RAB44: variants seen among roughly 807,000 people sequenced by gnomAD.
RAB44 encodes the protein ras-related protein Rab-44.
RAB44 carries 67 observed loss-of-function variants against 93.3 expected under a neutral mutation model. The ratio of observed to expected loss-of-function variants is 0.72; its 90% CI spans 0.59 to 0.88. RAB44 has a LOEUF of 0.88. Among genes scored for constraint, RAB44 ranks in the 40% least tolerant of loss-of-function variants. The pLI is 0.00. For missense variants in RAB44, 1,064 were observed against 1,261.7 expected, an observed-to-expected ratio of 0.84 and a Z score of 2.37; for synonymous variants, 427 against 520.3, an observed-to-expected ratio of 0.82 and a Z score of 2.44.
rs536773026 is a variant in RAB44, at chr6:36,722,271, C to T, written c.2137C>T (p.Gln713Ter). ...AACTGCGCATTCGGAACTCCCCCAG[C>T]AAGACTCTCTGCTTGTTTCTCTCCC... Reference protein sequence around the residue: ...LETAHSELPQQDSLLVSLPSA... With the variant: ...LETAHSELPQ The change falls in exon 9 of 14, where the codon CAA (glutamine) becomes TAA (stop). Residue 713 changes from glutamine to a stop codon, truncating the protein, a stop_gained. Coordinates refer to ENST00000612677, the MANE Select transcript of RAB44 (RefSeq NM_001257357.2). LOFTEE classifies it high-confidence loss of function. The T allele has an allele frequency of 1.6e-5, 21 of 1,290,460 alleles. No homozygotes were observed. The East Asian group carries it at 5.8e-4, about 36-fold the overall frequency. The allele number at this position is 1,290,460 out of a possible 1,614,324, so 79.9% of individuals were successfully genotyped here.
chr6:36,722,746 G>T lies in RAB44; in HGVS notation c.2599+13G>T. 1 of 1,550,516 alleles carries T rather than the reference G, an allele frequency of 6.4e-7. No homozygotes were observed. ...ACAGCTACCGTGGGTAAGGGCATTGGGGAGGGCGGCAGGGAGCAAGGAGAG... is the reference window on the plus strand; with the variant it reads ...ACAGCTACCGTGGGTAAGGGCATTGTGGAGGGCGGCAGGGAGCAAGGAGAG... On this transcript the variant is annotated intron_variant, in intron 9 of 13. Coordinates refer to ENST00000612677, the MANE Select transcript of RAB44 (RefSeq NM_001257357.2).
rs142626161 is a variant in RAB44, at chr6:36,718,554, G to A, written c.794G>A (p.Arg265His). 4.9e-6 allele frequency: 6 copies of A among 1,234,246 alleles called. No individual in the cohort carries two copies. The highest frequency in any genetic ancestry group is 3.2e-5 in the East Asian group (1 of 31,718). The allele number at this position is 1,234,246 out of a possible 1,614,324, so 76.5% of individuals were successfully genotyped here. Residue 265 changes from arginine to histidine, a missense_variant, in exon 7 of 14, where the codon CGC becomes CAC. By Grantham distance (29) the Arg-to-His change is conservative (BLOSUM62 0). Coordinates refer to ENST00000612677, the MANE Select transcript of RAB44 (RefSeq NM_001257357.2). ...QMQDVLEAKE[R>H]EVQRLAEGQR... Reference sequence around the variant, plus strand: ...CAGGACGTCCTAGAGGCCAAGGAGCGCGAGGTGCAGCGACTAGCTGAGGGC... The same window carrying A: ...CAGGACGTCCTAGAGGCCAAGGAGCACGAGGTGCAGCGACTAGCTGAGGGC...
chr6:36,710,781 G>A (rs1001449249), intron 2 of RAB44, among the ~76,000 whole-genome samples: 10 of 152,066 alleles, frequency 6.6e-5, no homozygotes, highest in Non-Finnish European at 1.0e-4. Flanking sequence ...GCACCATCAC[G>A]TGTGGCTAAG....
intron 6 of RAB44, 131 bp downstream of exon 6, chr6:36,718,249 C>A (rs1762977394): frequency 5.4e-6 from 3 of 557,448 alleles, no homozygotes; most frequent in African/African-American, 1.9e-5. Context: ...CTGCCCTGAG[C>A]AGCTGGTGTT....
At chr6:36,728,634 G>T in intron 11 of RAB44, 66 bp from the exon 12 acceptor site, 1 of 1,339,794 alleles carries the variant, frequency 7.5e-7, no homozygotes, top group South Asian at 1.3e-5. Context: ...CAGCTTCTAG[G>T]AAGGCAAATG....
rs1763089730 is a variant in RAB44 at position 36,721,758 on chromosome 6, C to G, written c.1624C>G (p.Gln542Glu). ...PGSWAPPSGA[Q>E]PGAGAGPQEP... ...GTCTTGGGCTCCTCCCAGCGGGGCT[C>G]AGCCTGGGGCTGGAGCAGGACCCCA... Residue 542 changes from glutamine (Q) to glutamate (E), a missense_variant, in exon 9 of 14, where the codon CAG becomes GAG. Transcript: ENST00000612677. The G allele has an allele frequency of 1.6e-6, 2 of 1,234,518 alleles. No individual in the cohort carries two copies. The highest frequency in any genetic ancestry group is 2.0e-6 in the Non-Finnish European group (2 of 988,314). 76.5% of individuals were successfully genotyped at this position (1,234,518 alleles called of 1,614,324 possible).
At chr6:36,728,203 A>T (rs1422164550) in intron 11 of RAB44, among the ~76,000 whole-genome samples, 1 of 152,212 alleles carries the variant, frequency 6.6e-6, no homozygotes, top group Non-Finnish European at 1.5e-5. Context: ...GGGGTCTGAC[A>T]GGACCTACAT....
At chr6:36,720,052 A>G (rs1302154057) in intron 7 of RAB44, among the ~76,000 whole-genome samples, 1 of 152,174 alleles carries the variant, frequency 6.6e-6, no homozygotes, top group East Asian at 1.9e-4. Context: ...GCCAGCAGCC[A>G]CTGTAGGGCG....
rs7772906 is a variant in RAB44, at chr6:36,722,497, G to A, written c.2363G>A (p.Gly788Asp). ...SLTTAHAEEQ[G>D]PPHSREPRAE... ...ACGACTGCTCACGCAGAAGAACAAG[G>A]CCCGCCTCACTCCAGGGAACCAAGG... is the stretch of plus-strand genomic sequence containing the variant. Residue 788 changes from glycine (G) to aspartate (D), a missense_variant, in exon 9 of 14, where the codon GGC (glycine) becomes GAC (aspartate). Gly to Asp is a moderately conservative substitution (Grantham distance 94, BLOSUM62 -1). Transcript: ENST00000612677. 3,858 of 1,493,008 alleles carry A rather than the reference G, an allele frequency of 2.6e-3. 73 individuals carry two copies. The African/African-American group carries it at 0.044, about 17-fold the overall frequency. 92.5% of individuals were successfully genotyped at this position (1,493,008 alleles called of 1,614,324 possible).
At chr6:36,709,352 G>A (rs554364498) in intron 2 of RAB44, among the ~76,000 whole-genome samples, 4 of 152,252 alleles carry the variant, frequency 2.6e-5, no homozygotes, top group African/African-American at 9.6e-5. Context: ...ATAAATCAAG[G>A]CAAATAAAAT....
Position 36,730,759 on chromosome 6 carries a change from G to GGCCGGGC in RAB44, c.2975+10_2975+11insGCCGGGC. 8.3e-7 allele frequency: 1 copy of GGCCGGGC among 1,203,334 alleles called. No homozygotes were observed. Among genetic ancestry groups the GGCCGGGC allele is most frequent in the Non-Finnish European group, 1.0e-6 (1 of 974,732 alleles). 74.5% of individuals were successfully genotyped at this position (1,203,334 alleles called of 1,614,324 possible). ...TAGTAAACCTGGCCAGGTAAGTGCTGCCCGCCCCCCGCCGCCCCCACCCCC... is the reference window on the plus strand; with the variant it reads ...TAGTAAACCTGGCCAGGTAAGTGCTGGCCGGGCCCCGCCCCCCGCCGCCCCCACCCCC... On this transcript the variant is annotated intron_variant, in intron 13 of 13. Transcript: ENST00000612677.
chr6:36,713,052 G>C (rs1185674863), intron 2 of RAB44, among the ~76,000 whole-genome samples: 2 of 152,228 alleles, frequency 1.3e-5, no homozygotes, highest in African/African-American at 4.8e-5. Flanking sequence ...CACGCAGGCT[G>C]CTTGATTCTG....
chr6:36,706,002 C>T (rs902727273), intron 2 of RAB44, among the ~76,000 whole-genome samples: 3 of 151,756 alleles, frequency 2.0e-5, no homozygotes, highest in African/African-American at 7.3e-5. Flanking sequence ...TGGGCTGAAG[C>T]GATTCTCTCA....
At chr6:36,727,498 G>T in intron 10 of RAB44, 79 bp from the exon 11 acceptor site, 2 of 871,154 alleles carry the variant, frequency 2.3e-6, no homozygotes, top group South Asian at 2.9e-5. Flanking sequence ...AAGTAGGATA[G>T]GTTACTTCTC....
intron 10 of RAB44, among the ~76,000 whole-genome samples, chr6:36,726,855 T>C (rs147276054): frequency 0.013 from 1,983 of 151,446 alleles, 42 homozygotes; most frequent in African/African-American, 0.044. Context: ...GGCTGGAGTG[T>C]GGTGGTGTGA....
At chr6:36,713,218 G>A (rs748627636) in intron 2 of RAB44, among the ~76,000 whole-genome samples, 14 of 151,824 alleles carry the variant, frequency 9.2e-5, no homozygotes, top group South Asian at 2.1e-4. Flanking sequence ...TTTTTGAAAC[G>A]GAGTTTCACT....
chr6:36,717,996 G>A lies in RAB44; in HGVS notation c.642-32G>A, dbSNP rs1762966725. The A allele has an allele frequency of 8.2e-7, 1 of 1,223,192 alleles. No individual in the cohort carries two copies. Among genetic ancestry groups the A allele is most frequent in the African/African-American group, 1.6e-5 (1 of 64,330 alleles). The allele number at this position is 1,223,192 out of a possible 1,614,324, so 75.8% of individuals were successfully genotyped here. On this transcript the variant is annotated intron_variant, in intron 5 of 13. Transcript: ENST00000612677. This position sits in a 1 kb window ranked among gnomAD's most constrained non-coding sequence, Gnocchi z 4.1. ...CAGCAGGCTCCCAGAGGTGCTGATG[G>A]GCTGCCTGGCCCCAACTCCTGCTCC...
rs1763360210 is a variant in RAB44 at position 36,731,332 on chromosome 6, A to ATATTAATTAATT, written c.2975+586_2975+587insTAATTAATTTAT. On this transcript the variant is annotated intron_variant, in intron 13 of 13. Transcript: ENST00000612677. The surrounding 1 kb of genome is among the most constrained non-coding windows in gnomAD (Gnocchi z 4.0). The stretch of plus-strand genomic sequence containing the variant: ...CTTCTTGACACGACACATATTAATG[A>ATATTAATTAATT]TATATGCATTTATCTGTTTTCTTGT... 6.6e-6 allele frequency among the ~76,000 whole-genome samples: 1 copy of ATATTAATTAATT among 152,094 alleles called. No individual in the cohort carries two copies. Among genetic ancestry groups the ATATTAATTAATT allele is most frequent in the Non-Finnish European group, 1.5e-5 (1 of 68,032 alleles).
In RAB44 at chr6:36,722,005, T is replaced by C. The variant is rs1243726828; in HGVS notation, c.1871T>C (p.Val624Ala). 1.1e-5 allele frequency: 13 copies of C among 1,234,376 alleles called. No homozygotes were observed. Among genetic ancestry groups the C allele is most frequent in the Non-Finnish European group, 1.3e-5 (13 of 988,386 alleles). 76.5% of individuals were successfully genotyped at this position (1,234,376 alleles called of 1,614,324 possible). A position where few individuals can be genotyped will look rare whatever the true frequency, so the allele number is the denominator to read the frequency against. The change falls in exon 9 of 14, where the codon GTG (valine) becomes GCG (alanine). Residue 624 changes from valine (V) to alanine (A), a missense_variant. Coordinates refer to ENST00000612677, the MANE Select transcript of RAB44 (RefSeq NM_001257357.2). ...PAEPFQGLEF[V>A]GPVPTERLEQ... ...GAGCCCTTCCAGGGCCTGGAATTTG[T>C]GGGTCCGGTGCCCACAGAGAGGCTG...
Sources: gnomAD v4.1 joint callset for allele counts (sites outside exome capture counted in the v4.1 genomes callset) on GRCh38, gnomAD v4.1.1 for gene constraint, Gnocchi (gnomAD v3.1) non-coding constraint, MANE v1.5 for transcripts, NCBI Gene and HGNC (gene_info 2026-07-23, HGNC 2026-07-21) for gene names.